The following DGLUCY variants were observed in gnomAD, a reference collection of about 807,000 sequenced individuals.
DGLUCY encodes D-glutamate cyclase.
A neutral mutation model predicts 58.5 loss-of-function variants in DGLUCY; 58 were observed. The observed-to-expected ratio is 0.99, with a 90% CI of 0.80 to 1.23. DGLUCY has a LOEUF of 1.23. Ranked by LOEUF, DGLUCY falls within the 50% of genes most tolerant of loss-of-function variation. DGLUCY has a pLI of 0.00. For synonymous variants in DGLUCY, 325 were observed against 314.1 expected (o/e 1.03, Z -0.37); for missense variants, 779 against 784.7 (o/e 0.99, Z 0.09).
At chr14:91,152,781 A>G (rs145172721) in intron 1 of DGLUCY, among the ~76,000 whole-genome samples, 5 of 152,338 alleles carry the variant, frequency 3.3e-5, no homozygotes, top group Non-Finnish European at 5.9e-5. Flanking sequence ...ACAGAAACCA[A>G]AAATGGAGTT....
At chr14:91,143,156 CGCAATCTCGGCTCACT>C (rs1478157950) in intron 1 of DGLUCY, among the ~76,000 whole-genome samples, 1 of 150,070 alleles carries the variant, frequency 6.7e-6, no homozygotes, top group Non-Finnish European at 1.5e-5. Context: ...AGTGCAGTGG[CGCAATCTCGGCTCACT>C]GCAAGCTCTG....
At chr14:91,073,384 T>C (rs894519077) in intron 1 of DGLUCY, among the ~76,000 whole-genome samples, 1 of 152,076 alleles carries the variant, frequency 6.6e-6, no homozygotes, top group Non-Finnish European at 1.5e-5. Context: ...GAGGTTGGAG[T>C]GAGCCAAGAT....
intron 12 of DGLUCY, among the ~76,000 whole-genome samples, chr14:91,214,038 CT>C (rs10533151): frequency 0.19 from 28,588 of 149,920 alleles, 2,975 homozygotes; most frequent in Non-Finnish European, 0.23. Flanking sequence ...GTTTGTTTTT[CT>C]TTTTTTTTTT....
intron 8 of DGLUCY, among the ~76,000 whole-genome samples, chr14:91,184,583 G>GGT (rs1309519403): frequency 1.6e-5 from 2 of 123,230 alleles, no homozygotes; most frequent in African/African-American, 6.5e-5. Context: ...AAGTTGGGGG[G>GGT]GGGGAGGGAG....
intron 1 of DGLUCY, among the ~76,000 whole-genome samples, chr14:91,074,823 A>C (rs2140035648): frequency 6.6e-6 from 1 of 152,338 alleles, no homozygotes; most frequent in Middle Eastern, 3.4e-3. Context: ...CTGTAATCCC[A>C]GCACTTTGGG....
At chr14:91,110,917 C>G (rs760232732), upstream of DGLUCY, among the ~76,000 whole-genome samples, 2 of 152,122 alleles carry the variant, frequency 1.3e-5, no homozygotes, top group Non-Finnish European at 2.9e-5. Context: ...CTTCTGCCAC[C>G]CTTTGGTAGC....
chr14:91,085,552 GTTTTTTTTTTGT>G (rs2044200431), intron 1 of DGLUCY, among the ~76,000 whole-genome samples: 1 of 134,872 alleles, frequency 7.4e-6, no homozygotes, highest in African/African-American at 2.7e-5. Flanking sequence ...AAGTTCCTTT[GTTTTTTTTTTGT>G]TTTTTTTTTT....
intron 1 of DGLUCY, among the ~76,000 whole-genome samples, chr14:91,072,306 A>G (rs1480171201): frequency 2.7e-5 from 4 of 149,896 alleles, no homozygotes; most frequent in African/African-American, 4.9e-5. Context: ...CGTGAGCAAC[A>G]GAATGAGACT....
intron 1 of DGLUCY, among the ~76,000 whole-genome samples, chr14:91,140,836 T>G (rs2046623563): frequency 3.3e-5 from 5 of 151,966 alleles, no homozygotes. Flanking sequence ...CACCTAGGGG[T>G]TGTGATTCAA....
At chr14:91,065,102 C>T (rs945148908) in intron 1 of DGLUCY, among the ~76,000 whole-genome samples, 3 of 152,056 alleles carry the variant, frequency 2.0e-5, no homozygotes, top group African/African-American at 7.2e-5. Context: ...CTTCCACAGA[C>T]TTAAGCACTG....
chr14:91,167,433 C>T (rs546623082), intron 4 of DGLUCY, 55 bp downstream of exon 4: 1 of 1,606,286 alleles, frequency 6.2e-7, no homozygotes, highest in African/African-American at 1.3e-5. Flanking sequence ...GGTGCTGTAG[C>T]CAGGTGTCTC....
intron 8 of DGLUCY, among the ~76,000 whole-genome samples, chr14:91,187,957 C>T (rs1282188701): frequency 6.6e-6 from 1 of 152,140 alleles, no homozygotes; most frequent in African/African-American, 2.4e-5. Context: ...GAGGGAATCC[C>T]CAGCTAATGG....
chr14:91,168,457 C>T lies in DGLUCY; in HGVS notation c.257+1079C>T, dbSNP rs112965930. Among the ~76,000 whole-genome samples the T allele has an allele frequency of 8.5e-5, 13 of 152,138 alleles. No homozygotes were observed. In the South Asian group the frequency reaches 1.0e-3, roughly 12 times the overall value. On this transcript the variant is annotated intron_variant, in intron 4 of 13. Coordinates refer to ENST00000256324, the MANE Select transcript of DGLUCY (RefSeq NM_001102368.3). ...ACATTCTGTCATGATCATTTTAGGA[C>T]GGGAAGGTCCTTTGGAGACCCCATC...
intron 7 of DGLUCY, among the ~76,000 whole-genome samples, chr14:91,178,789 G>T (rs2049001641): frequency 6.6e-6 from 1 of 152,158 alleles, no homozygotes; most frequent in Non-Finnish European, 1.5e-5. Context: ...CCAGCACTTT[G>T]GGAGGCTGAG....
intron 1 of DGLUCY, among the ~76,000 whole-genome samples, chr14:91,135,178 A>T (rs1043611140): frequency 6.6e-6 from 1 of 151,560 alleles, no homozygotes; most frequent in Non-Finnish European, 1.5e-5. Context: ...CTCCTGCCTC[A>T]TCCTCCCAAA....
intron 1 of DGLUCY, among the ~76,000 whole-genome samples, chr14:91,119,504 AC>A (rs1164686854): frequency 6.6e-6 from 1 of 151,660 alleles, no homozygotes; most frequent in Non-Finnish European, 1.5e-5. Context: ...CTAAGTTCCC[AC>A]CCTACTTTGC....
rs1382004668 is a variant in DGLUCY, at chr14:91,117,646, TACACACACACACACATACACACACACAC to T, written c.-82+3376_-82+3403del. On this transcript the variant is annotated intron_variant, in intron 1 of 13. Transcript: ENST00000256324. ...GGCACAGAGTAAGCTTTTGTTCACATACACACACACACACATACACACACACACACACACACACACGCCAAACTGTAAA... is the reference window on the plus strand; with the variant it reads ...GGCACAGAGTAAGCTTTTGTTCACATACACACACACACGCCAAACTGTAAA... Among the ~76,000 whole-genome samples the T allele has an allele frequency of 4.0e-5, 6 of 149,446 alleles. No individual in the cohort carries two copies. In the East Asian group the frequency reaches 1.2e-3, roughly 29 times the overall value.
chr14:91,105,994 T>A (rs557298296), upstream of DGLUCY, among the ~76,000 whole-genome samples: 2 of 152,282 alleles, frequency 1.3e-5, no homozygotes, highest in African/African-American at 4.8e-5. Flanking sequence ...CTAGAAAAGC[T>A]ACAGTAAAAA....
chr14:91,194,659 G>A (rs982314042), intron 9 of DGLUCY, among the ~76,000 whole-genome samples: 1 of 151,780 alleles, frequency 6.6e-6, no homozygotes, highest in Non-Finnish European at 1.5e-5. Context: ...TCCTGCCTCA[G>A]CCTCCTGAGT....
Sources: gnomAD v4.1 joint callset for allele counts (sites outside exome capture counted in the v4.1 genomes callset) on GRCh38, gnomAD v4.1.1 for gene constraint, MANE v1.5 for transcripts, NCBI Gene and HGNC (gene_info 2026-07-23, HGNC 2026-07-21) for gene names.